ARHGAP15: variants seen among roughly 807,000 people sequenced by gnomAD.
The protein encoded by ARHGAP15 is rho GTPase-activating protein 15.
A neutral mutation model predicts 63.7 loss-of-function variants in ARHGAP15; 51 were observed. The observed-to-expected ratio is 0.80, with a 90% CI of 0.64 to 1.01. The LOEUF (loss-of-function observed/expected upper bound fraction) is 1.01. Ranked by LOEUF, ARHGAP15 falls within the 50% of genes least tolerant of loss-of-function variation. The probability of loss-of-function intolerance (pLI) is 0.00; values close to 1 mark genes in which losing one functional copy is unlikely to be tolerated. For missense variants in ARHGAP15, 560 were observed against 564.6 expected, an observed-to-expected ratio of 0.99 and a Z score of 0.08; for synonymous variants, 191 against 193.8, an observed-to-expected ratio of 0.99 and a Z score of 0.12.
intron 6 of ARHGAP15, among the ~76,000 whole-genome samples, chr2:143,352,145 GC>G (rs1685600705): frequency 6.6e-6 from 1 of 152,070 alleles, no homozygotes; most frequent in South Asian, 2.1e-4. Flanking sequence ...GTGCCCCTCT[GC>G]CCCCCATTGC....
At chr2:143,719,998 G>A (rs1342645240) in intron 13 of ARHGAP15, among the ~76,000 whole-genome samples, 1 of 152,152 alleles carries the variant, frequency 6.6e-6, no homozygotes, top group African/African-American at 2.4e-5. Context: ...GAAGCAGGTG[G>A]CTACATAGAG....
rs529432149 is a variant in ARHGAP15, at chr2:143,167,360, G to A, written c.165+11705G>A. On this transcript the variant is annotated intron_variant, in intron 2 of 13. Coordinates refer to ENST00000295095, the MANE Select transcript of ARHGAP15 (RefSeq NM_018460.4). ...TAACGTGCACCCCATCAAAGCAAAG[G>A]TAATTACATTAACCAGGAGACAAAA... Among the ~76,000 whole-genome samples, 193 of 152,154 alleles carry A rather than the reference G, an allele frequency of 1.3e-3. 3 individuals carry two copies. Among genetic ancestry groups the A allele is most frequent in the Non-Finnish European group, 7.2e-4 (49 of 67,996 alleles).
At chr2:143,572,545 T>C (rs1696504514) in intron 11 of ARHGAP15, among the ~76,000 whole-genome samples, 1 of 152,188 alleles carries the variant, frequency 6.6e-6, no homozygotes, top group Non-Finnish European at 1.5e-5. Flanking sequence ...CCTGGGAATA[T>C]AAGGTAAGAG....
intron 13 of ARHGAP15, among the ~76,000 whole-genome samples, chr2:143,730,099 A>G (rs1221897276): frequency 1.3e-5 from 2 of 152,238 alleles, no homozygotes; most frequent in Non-Finnish European, 2.9e-5. Context: ...CAAAGAAGAT[A>G]AAGACCACCA....
chr2:143,627,891 C>T (rs115683693), intron 12 of ARHGAP15, among the ~76,000 whole-genome samples: 499 of 151,930 alleles, frequency 3.3e-3, no homozygotes, highest in Non-Finnish European at 5.2e-3. Context: ...GGGTATACTG[C>T]GTGATGCTGA....
chr2:143,448,224 G>A (rs1203439795), intron 8 of ARHGAP15, among the ~76,000 whole-genome samples: 2 of 152,116 alleles, frequency 1.3e-5, no homozygotes, highest in African/African-American at 4.8e-5. Context: ...GCAACAACTG[G>A]AGATCAGGTT....
intron 12 of ARHGAP15, chr2:143,656,231 T>C (rs1681426139): frequency 6.6e-6 from 1 of 152,320 alleles, no homozygotes; most frequent in East Asian, 1.9e-4. Flanking sequence ...TCAACATAAA[T>C]AACTATCAAT....
chr2:143,153,577 G>C (rs189838118), intron 1 of ARHGAP15, among the ~76,000 whole-genome samples: 74 of 151,954 alleles, frequency 4.9e-4, no homozygotes, highest in African/African-American at 1.7e-3. Context: ...TATACAATTT[G>C]TTCATTTTTA....
At chr2:143,369,944 G>A (rs1686469211) in intron 6 of ARHGAP15, among the ~76,000 whole-genome samples, 1 of 151,946 alleles carries the variant, frequency 6.6e-6, no homozygotes, top group Non-Finnish European at 1.5e-5. Flanking sequence ...CCTGAATTGG[G>A]ATTCATATCT....
In ARHGAP15 at chr2:143,528,560, C is replaced by T. The variant is rs1315197300; in HGVS notation, c.925+9196C>T. Reference sequence around the variant, plus strand: ...TTGCTATTGGATATTGATTTCATTTCCTCCAAATTTACTTCCTAGCAGAAA... The same window carrying T: ...TTGCTATTGGATATTGATTTCATTTTCTCCAAATTTACTTCCTAGCAGAAA... On this transcript the variant is annotated intron_variant, in intron 10 of 13. Coordinates refer to ENST00000295095, the MANE Select transcript of ARHGAP15 (RefSeq NM_018460.4). 3.9e-5 allele frequency among the ~76,000 whole-genome samples: 6 copies of T among 152,082 alleles called. No homozygotes were observed. In the South Asian group the frequency reaches 1.2e-3, roughly 32 times the overall value.
intron 8 of ARHGAP15, among the ~76,000 whole-genome samples, chr2:143,471,013 AGAT>A (rs1558993639): frequency 2.1e-5 from 3 of 143,924 alleles, no homozygotes; most frequent in African/African-American, 5.0e-5. Context: ...TAGATAAAGA[AGAT>A]ATGAATATGT....
intron 6 of ARHGAP15, among the ~76,000 whole-genome samples, chr2:143,366,110 T>A (rs1180099721): frequency 1.3e-5 from 2 of 152,202 alleles, no homozygotes; most frequent in African/African-American, 4.8e-5. Flanking sequence ...GTAGTTTTCC[T>A]TCTCTGCCTT....
intron 11 of ARHGAP15, among the ~76,000 whole-genome samples, chr2:143,606,522 C>T (rs13388469): frequency 0.017 from 2,518 of 152,230 alleles, 77 homozygotes; most frequent in African/African-American, 0.058. Context: ...CTGATCTCTG[C>T]GTGCACTCAG....
intron 2 of ARHGAP15, among the ~76,000 whole-genome samples, chr2:143,185,502 C>T (rs1196682393): frequency 1.3e-5 from 2 of 152,124 alleles, no homozygotes; most frequent in African/African-American, 2.4e-5. Flanking sequence ...CTGCAATATC[C>T]CCTAGGAGTG....
At chr2:143,148,038 A>AT (rs1689659438) in intron 1 of ARHGAP15, among the ~76,000 whole-genome samples, 3 of 152,146 alleles carry the variant, frequency 2.0e-5, no homozygotes, top group Middle Eastern at 6.8e-3. Context: ...CAATTCTTTA[A>AT]TAAAAATAAC....
chr2:143,419,158 A>AC (rs1688804837), intron 6 of ARHGAP15, among the ~76,000 whole-genome samples: 1 of 151,710 alleles, frequency 6.6e-6, no homozygotes. Context: ...AAGAAAAAAA[A>AC]ACCACAAATG....
chr2:143,418,680 A>G (rs1378267619), intron 6 of ARHGAP15, among the ~76,000 whole-genome samples: 1 of 152,202 alleles, frequency 6.6e-6, no homozygotes, highest in African/African-American at 2.4e-5. Flanking sequence ...TACAATGGAA[A>G]AATTAAAAAT....
intron 5 of ARHGAP15, among the ~76,000 whole-genome samples, chr2:143,248,976 C>T (rs1340021478): frequency 3.3e-5 from 5 of 152,100 alleles, no homozygotes; most frequent in African/African-American, 1.2e-4. Flanking sequence ...TTCTGAGTAT[C>T]CCCTAATGTA....
intron 11 of ARHGAP15, among the ~76,000 whole-genome samples, chr2:143,600,566 A>T (rs16822685): frequency 0.011 from 1,639 of 152,304 alleles, 28 homozygotes; most frequent in African/African-American, 0.037. Context: ...ACCTACTTCT[A>T]CTACTGGTGT....
Sources: gnomAD v4.1 joint callset for allele counts (sites outside exome capture counted in the v4.1 genomes callset) on GRCh38, gnomAD v4.1.1 for gene constraint, MANE v1.5 for transcripts, NCBI Gene and HGNC (gene_info 2026-07-23, HGNC 2026-07-21) for gene names.